The following SLC7A14 variants were observed in gnomAD, a reference collection of about 807,000 sequenced individuals.
The protein encoded by SLC7A14 is gamma-aminobutyric acid transporter SLC7A14.
A neutral mutation model predicts 60.2 loss-of-function variants in SLC7A14; 37 were observed. That is an observed-to-expected ratio of 0.61 (90% confidence interval 0.47 to 0.81). The LOEUF (loss-of-function observed/expected upper bound fraction) is 0.81. Among genes scored for constraint, SLC7A14 ranks in the 30% least tolerant of loss-of-function variants. The pLI, the probability that SLC7A14 is intolerant of heterozygous loss-of-function variation, is 0.00. For missense variants in SLC7A14, 886 were observed against 982.7 expected, an observed-to-expected ratio of 0.90 and a Z score of 1.32; for synonymous variants, 399 against 395.8, an observed-to-expected ratio of 1.01 and a Z score of -0.10.
intron 3 of SLC7A14, 43 bp from the exon 4 acceptor site, chr3:170,498,927 A>C: frequency 6.3e-7 from 1 of 1,599,308 alleles, no homozygotes; most frequent in Non-Finnish European, 8.6e-7. Flanking sequence ...GGAGGGAAGA[A>C]AGGGCCATGC....
At chr3:170,493,309 T>C (rs1302118546) in intron 4 of SLC7A14, among the ~76,000 whole-genome samples, 1 of 152,206 alleles carries the variant, frequency 6.6e-6, no homozygotes, top group East Asian at 1.9e-4. Flanking sequence ...TTCCTTAAGC[T>C]ATTTTCTTTG....
At chr3:170,481,234 AG>A (rs1191321280) in intron 6 of SLC7A14, 68 bp from the exon 7 acceptor site, 3 of 1,502,546 alleles carry the variant, frequency 2.0e-6, no homozygotes, top group African/African-American at 2.8e-5. Context: ...CAGCCAACAT[AG>A]GGAGCTAGAA....
At position 170,480,361 on chromosome 3, in the gene SLC7A14, G is replaced by A. The variant is rs1431029968; in HGVS notation, c.1921C>T (p.Leu641=). Residue 641 remains leucine, a synonymous_variant, in exon 7 of 8, where the codon CTG becomes TTG. Coordinates refer to ENST00000231706, the MANE Select transcript of SLC7A14 (RefSeq NM_020949.3). ...TTTAGCATGAGATAGATGTTCACCA[G>A]CATGGCAAAGGCAGGCACAAAGGGG... ...CLPFVPAFAM[L]VNIYLMLKLS... The A allele has an allele frequency of 6.2e-7, 1 of 1,602,502 alleles. No individual in the cohort carries two copies.
intron 1 of SLC7A14, among the ~76,000 whole-genome samples, chr3:170,550,949 G>A (rs1023536984): frequency 3.3e-5 from 5 of 151,890 alleles, no homozygotes; most frequent in Non-Finnish European, 7.4e-5. Context: ...TGTTTTTTTA[G>A]TACAGTATAT....
chr3:170,574,111 C>T (rs1283073184), intron 1 of SLC7A14, among the ~76,000 whole-genome samples: 1 of 152,206 alleles, frequency 6.6e-6, no homozygotes. Flanking sequence ...AAAGCCCTAC[C>T]TGAGAAGCTA....
In SLC7A14 at chr3:170,467,386, C is replaced by A; in HGVS notation, c.1994-9G>T. The stretch of plus-strand genomic sequence containing the variant: ...AAAATAAATGAGCAGACCTGTGGGG[C>A]GAGGGGAAAGGTACAGGTGAATAAG... On this transcript the variant is annotated splice_polypyrimidine_tract_variant and intron_variant, in intron 7 of 7. Transcript: ENST00000231706. 1.3e-6 allele frequency: 2 copies of A among 1,515,062 alleles called. No individual in the cohort carries two copies. The highest frequency in any genetic ancestry group is 1.2e-5 in the South Asian group (1 of 82,116). 93.9% of individuals were successfully genotyped at this position (1,515,062 alleles called of 1,614,324 possible). A position where few individuals can be genotyped will look rare whatever the true frequency, so the allele number is the denominator to read the frequency against.
At chr3:170,526,512 A>T in intron 2 of SLC7A14, 121 bp downstream of exon 2, 1 of 1,251,786 alleles carries the variant, frequency 8.0e-7, no homozygotes, top group Non-Finnish European at 1.1e-6. Flanking sequence ...AAAGAGCATG[A>T]TGATCCACTT....
At position 170,509,800 on chromosome 3, in the gene SLC7A14, C is replaced by T. The variant is rs143868522; in HGVS notation, c.305-8455G>A. On this transcript the variant is annotated intron_variant, in intron 2 of 7. Coordinates refer to ENST00000231706, the MANE Select transcript of SLC7A14 (RefSeq NM_020949.3). Reference sequence around the variant, plus strand: ...TCTCTACGAAAAATACAAAATTAGCCGGGCGTGGTGGTGCATGCCCGTAAT... The same window carrying T: ...TCTCTACGAAAAATACAAAATTAGCTGGGCGTGGTGGTGCATGCCCGTAAT... Among the ~76,000 whole-genome samples the T allele has an allele frequency of 7.9e-4, 118 of 149,688 alleles. 1 individual carries two copies. In the East Asian group the frequency reaches 0.014, roughly 17 times the overall value.
intron 7 of SLC7A14, among the ~76,000 whole-genome samples, chr3:170,479,730 A>AT (rs1211041874): frequency 6.6e-6 from 1 of 152,214 alleles, no homozygotes; most frequent in Admixed American, 6.5e-5. Flanking sequence ...AAACTTTTGA[A>AT]TATTTTACAA....
intron 1 of SLC7A14, among the ~76,000 whole-genome samples, chr3:170,553,875 C>A: frequency 6.7e-6 from 1 of 149,698 alleles, no homozygotes. Flanking sequence ...CATGGTTTGA[C>A]ATTTTAATAT....
chr3:170,472,293 C>G (rs553578246), intron 7 of SLC7A14, among the ~76,000 whole-genome samples: 110 of 148,860 alleles, frequency 7.4e-4, no homozygotes, highest in African/African-American at 2.3e-3. Flanking sequence ...TGCTTGAACC[C>G]AGGAGGTGGA....
chr3:170,535,094 G>A lies in SLC7A14; in HGVS notation c.-152-8006C>T, dbSNP rs149685487. 5.3e-3 allele frequency among the ~76,000 whole-genome samples: 805 copies of A among 152,082 alleles called. 9 individuals are homozygous for A. Among genetic ancestry groups the A allele is most frequent in the African/African-American group, 0.019 (779 of 41,478 alleles). ...CTCCTTTTCCATGGACCTCAGGTCC[G>A]GTGCCTCAGGTCTTTGCTTGGGGCT... On this transcript the variant is annotated intron_variant, in intron 1 of 7. Coordinates refer to ENST00000231706, the MANE Select transcript of SLC7A14 (RefSeq NM_020949.3). This position sits in a 1 kb window ranked among gnomAD's most constrained non-coding sequence, Gnocchi z 4.3.
intron 2 of SLC7A14, among the ~76,000 whole-genome samples, chr3:170,505,960 C>G (rs1712768762): frequency 6.6e-6 from 1 of 151,796 alleles, no homozygotes; most frequent in Non-Finnish European, 1.5e-5. Flanking sequence ...AAATTTTGCC[C>G]CTGAGTTACC....
In SLC7A14 at chr3:170,466,870, G is replaced by A. The variant is rs568317003; in HGVS notation, c.*185C>T. 4 of 572,844 alleles carry A rather than the reference G, an allele frequency of 7.0e-6. No individual in the cohort carries two copies. In the South Asian group the frequency reaches 7.4e-5, roughly 11 times the overall value. 35.5% of individuals were successfully genotyped at this position (572,844 alleles called of 1,614,324 possible). A position where few individuals can be genotyped will look rare whatever the true frequency, so the allele number is the denominator to read the frequency against. On this transcript the variant is annotated 3_prime_UTR_variant, in exon 8 of 8. Coordinates refer to ENST00000231706, the MANE Select transcript of SLC7A14 (RefSeq NM_020949.3). ...ACAAGGCGACCAGTTAGGGGACCCAGGTTAAGCCCTTCAACAGAACTATCC... is the reference window on the plus strand; with the variant it reads ...ACAAGGCGACCAGTTAGGGGACCCAAGTTAAGCCCTTCAACAGAACTATCC...
chr3:170,507,985 G>T (rs1393431484), intron 2 of SLC7A14, among the ~76,000 whole-genome samples: 1 of 152,160 alleles, frequency 6.6e-6, no homozygotes, highest in Non-Finnish European at 1.5e-5. Flanking sequence ...TATAGATGAT[G>T]CAACTGAGCT....
chr3:170,520,305 ATG>A (rs1713303948), intron 2 of SLC7A14, among the ~76,000 whole-genome samples: 1 of 152,224 alleles, frequency 6.6e-6, no homozygotes, highest in Non-Finnish European at 1.5e-5. Flanking sequence ...ATAATGGGTT[ATG>A]CACTTAGAAC....
chr3:170,512,654 A>ATT (rs71176570), intron 2 of SLC7A14, among the ~76,000 whole-genome samples: 1,858 of 63,110 alleles, frequency 0.029, 378 homozygotes, highest in African/African-American at 0.099. Flanking sequence ...TACAATTTGC[A>ATT]TTTTTTTTTT....
At chr3:170,470,788 C>G (rs1205848289) in intron 7 of SLC7A14, among the ~76,000 whole-genome samples, 1 of 152,092 alleles carries the variant, frequency 6.6e-6, no homozygotes, top group African/African-American at 2.4e-5. Context: ...CCCACATAAA[C>G]AAGGGCTTTG....
At chr3:170,499,202 A>C (rs1295496435) in intron 3 of SLC7A14, among the ~76,000 whole-genome samples, 1 of 128,548 alleles carries the variant, frequency 7.8e-6, no homozygotes, top group Non-Finnish European at 1.6e-5. Context: ...ACGCCACTGC[A>C]CTCCAGCCTG....
Sources: gnomAD v4.1 joint callset for allele counts (sites outside exome capture counted in the v4.1 genomes callset) on GRCh38, gnomAD v4.1.1 for gene constraint, Gnocchi (gnomAD v3.1) non-coding constraint, MANE v1.5 for transcripts, NCBI Gene and HGNC (gene_info 2026-07-23, HGNC 2026-07-21) for gene names.